UBE2G1: variants seen among roughly 807,000 people sequenced by gnomAD.
The protein encoded by UBE2G1 is ubiquitin-conjugating enzyme E2 G1.
Under a neutral mutation model 22.7 loss-of-function variants are expected in UBE2G1, and 5 were observed. That is an observed-to-expected ratio of 0.22 (90% CI 0.12 to 0.46). The LOEUF (loss-of-function observed/expected upper bound fraction) is 0.46. Ranked by LOEUF, UBE2G1 falls within the 20% of genes least tolerant of loss-of-function variation. The pLI is 0.99. For synonymous variants in UBE2G1, 74 were observed against 67.5 expected, an observed-to-expected ratio of 1.10 and a Z score of -0.47; for missense variants, 88 against 203.9, an observed-to-expected ratio of 0.43 and a Z score of 3.46.
intron 1 of UBE2G1, among the ~76,000 whole-genome samples, chr17:4,352,892 C>T (rs533344934): frequency 1.3e-3 from 198 of 152,120 alleles, no homozygotes; most frequent in African/African-American, 4.5e-3. Context: ...CTGGGCAACA[C>T]GGAGAAACCC....
intron 3 of UBE2G1, among the ~76,000 whole-genome samples, chr17:4,290,458 G>A (rs1006906044): frequency 6.6e-6 from 1 of 151,828 alleles, no homozygotes; most frequent in African/African-American, 2.4e-5. Context: ...CTTATTTTTT[G>A]GTGTTGTCTG....
At chr17:4,312,001 CT>C (rs1969315576) in intron 1 of UBE2G1, among the ~76,000 whole-genome samples, 1 of 145,298 alleles carries the variant, frequency 6.9e-6, no homozygotes, top group Admixed American at 7.1e-5. Flanking sequence ...AATCCCGACA[CT>C]TTGGGATGCC....
At chr17:4,313,262 A>G (rs1969331983) in intron 1 of UBE2G1, among the ~76,000 whole-genome samples, 1 of 152,230 alleles carries the variant, frequency 6.6e-6, no homozygotes, top group South Asian at 2.1e-4. Context: ...TACACAAAAT[A>G]CTTTAAGGTT....
chr17:4,289,766 T>C (rs1012162835), intron 3 of UBE2G1, among the ~76,000 whole-genome samples: 1 of 152,198 alleles, frequency 6.6e-6, no homozygotes, highest in Non-Finnish European at 1.5e-5. Context: ...AGAAAGCATA[T>C]TTTTCCAAAA....
At chr17:4,321,824 G>A (rs1008365329) in intron 1 of UBE2G1, among the ~76,000 whole-genome samples, 1 of 152,198 alleles carries the variant, frequency 6.6e-6, no homozygotes, top group South Asian at 2.1e-4. Flanking sequence ...AGGGATGAAG[G>A]CAATATTTAC....
intron 1 of UBE2G1, among the ~76,000 whole-genome samples, chr17:4,313,529 C>T (rs549938974): frequency 2.6e-5 from 4 of 152,200 alleles, no homozygotes; most frequent in African/African-American, 9.6e-5. Context: ...AAAGACCTCT[C>T]TTTCTCACAA....
chr17:4,286,824 T>C (rs943660513), intron 4 of UBE2G1, among the ~76,000 whole-genome samples: 12 of 151,880 alleles, frequency 7.9e-5, no homozygotes, highest in Admixed American at 6.6e-4. Context: ...GGCAGATCAT[T>C]TGAGGTCAGG....
intron 1 of UBE2G1, among the ~76,000 whole-genome samples, chr17:4,362,213 A>G (rs536059159): frequency 6.6e-6 from 1 of 152,330 alleles, no homozygotes; most frequent in South Asian, 2.1e-4. Context: ...GTCATAGTCT[A>G]ATAATATCCA....
At chr17:4,330,036 T>A (rs149485592) in intron 1 of UBE2G1, among the ~76,000 whole-genome samples, 1 of 152,058 alleles carries the variant, frequency 6.6e-6, no homozygotes, top group Non-Finnish European at 1.5e-5. Context: ...CCCAGAGCCA[T>A]GAGTTATTGC....
At chr17:4,282,558 A>G (rs1968907323) in intron 5 of UBE2G1, among the ~76,000 whole-genome samples, 1 of 152,218 alleles carries the variant, frequency 6.6e-6, no homozygotes, top group Non-Finnish European at 1.5e-5. Context: ...CCATCAGTGA[A>G]AAGAAACAGA....
In UBE2G1 at chr17:4,291,358, C is replaced by CAAA. The variant is rs377584623; in HGVS notation, c.248-1953_248-1951dup. On this transcript the variant is annotated intron_variant, in intron 3 of 5. Coordinates refer to ENST00000396981, the MANE Select transcript of UBE2G1 (RefSeq NM_003342.5). ...CTGGGCAACGGGCGAAACTCCATCT[C>CAAA]AAAAAAAAAAAAAAAAAAGGAATAA... is the stretch of plus-strand genomic sequence containing the variant. 1.3e-3 allele frequency among the ~76,000 whole-genome samples: 155 copies of CAAA among 117,854 alleles called. 3 individuals carry two copies. The highest frequency in any genetic ancestry group is 9.7e-3 in the South Asian group (33 of 3,408). The allele number at this position is 117,854 out of a possible 152,430, so 77.3% of individuals were successfully genotyped here.
At chr17:4,340,935 T>G (rs1442054694) in intron 1 of UBE2G1, among the ~76,000 whole-genome samples, 1 of 143,514 alleles carries the variant, frequency 7.0e-6, no homozygotes, top group South Asian at 2.2e-4. Flanking sequence ...AACCATAACA[T>G]GAATATAACA....
rs781442972 is a variant in UBE2G1, at chr17:4,313,504, G to C, written c.47-6381C>G. On this transcript the variant is annotated intron_variant, in intron 1 of 5. Coordinates refer to ENST00000396981, the MANE Select transcript of UBE2G1 (RefSeq NM_003342.5). ...ATGCTATCTAGAGATAAAATTAAGA[G>C]TTGGAAAGGGCTAGAAAGACCTCTC... Among the ~76,000 whole-genome samples the C allele has an allele frequency of 2.0e-5, 3 of 152,128 alleles. No homozygotes were observed. In the East Asian group the frequency reaches 5.8e-4, roughly 29 times the overall value.
chr17:4,283,951 T>C (rs1345456905), intron 4 of UBE2G1, among the ~76,000 whole-genome samples: 3 of 151,898 alleles, frequency 2.0e-5, no homozygotes, highest in Non-Finnish European at 2.9e-5. Flanking sequence ...AGGTCAGGAC[T>C]TCAAGACCAG....
At chr17:4,342,525 T>G (rs1192084198) in intron 1 of UBE2G1, among the ~76,000 whole-genome samples, 4 of 152,194 alleles carry the variant, frequency 2.6e-5, no homozygotes, top group Non-Finnish European at 5.9e-5. Context: ...GAGGCTGTGG[T>G]GAGCCATGTT....
At chr17:4,310,111 T>G (rs893824495) in intron 1 of UBE2G1, among the ~76,000 whole-genome samples, 8 of 152,204 alleles carry the variant, frequency 5.3e-5, no homozygotes, top group Non-Finnish European at 7.3e-5. Context: ...CTTAATCCAT[T>G]TAAAGTGATA....
intron 1 of UBE2G1, among the ~76,000 whole-genome samples, chr17:4,357,541 A>C: frequency 7.0e-6 from 1 of 143,840 alleles, no homozygotes; most frequent in Non-Finnish European, 1.5e-5. Context: ...ACTCTATGCA[A>C]TTTTATCACA....
chr17:4,306,034 C>T (rs1055909111), intron 2 of UBE2G1, among the ~76,000 whole-genome samples: 1 of 152,182 alleles, frequency 6.6e-6, no homozygotes, highest in African/African-American at 2.4e-5. Context: ...ATTGGTTTAA[C>T]AATTAATAGT....
At chr17:4,293,950 T>A (rs1418761174) in intron 3 of UBE2G1, among the ~76,000 whole-genome samples, 3 of 152,228 alleles carry the variant, frequency 2.0e-5, no homozygotes, top group South Asian at 2.1e-4. Flanking sequence ...CAATCTTCTA[T>A]GAGTGTAATC....
Sources: gnomAD v4.1 joint callset for allele counts (sites outside exome capture counted in the v4.1 genomes callset) on GRCh38, gnomAD v4.1.1 for gene constraint, MANE v1.5 for transcripts, NCBI Gene and HGNC (gene_info 2026-07-23, HGNC 2026-07-21) for gene names.